The following HS3ST3A1 variants were observed in gnomAD, a reference collection of about 807,000 sequenced individuals.
The protein encoded by HS3ST3A1 is heparan sulfate-glucosamine 3-sulfotransferase 3A1.
In HS3ST3A1, 19 loss-of-function variants were observed where a neutral mutation model predicts 25.7. The observed-to-expected ratio is 0.74, with a 90% CI of 0.52 to 1.08. HS3ST3A1 has a LOEUF of 1.08. Ranked by LOEUF, HS3ST3A1 falls within the 50% of genes least tolerant of loss-of-function variation. The pLI, the probability that HS3ST3A1 is intolerant of heterozygous loss-of-function variation, is 0.00. For synonymous variants in HS3ST3A1, 226 were observed against 278.6 expected (o/e 0.81, Z 1.88); for missense variants, 459 against 594.3 (o/e 0.77, Z 2.37).
Position 13,524,530 on chromosome 17 carries a change from G to A in HS3ST3A1, c.600-27712C>T, listed in dbSNP as rs149310030. Among the ~76,000 whole-genome samples, 697 of 152,222 alleles carry A rather than the reference G, an allele frequency of 4.6e-3. 5 individuals are homozygous for A. The highest frequency in any genetic ancestry group is 0.017 in the Middle Eastern group (5 of 294). On this transcript the variant is annotated intron_variant, in intron 1 of 1. Transcript: ENST00000284110. ...CAAAGTGTTGGGATTACAGGTGTGCGCCATTGAGCCCGGCTTAAGCATATT... is the reference window on the plus strand; with the variant it reads ...CAAAGTGTTGGGATTACAGGTGTGCACCATTGAGCCCGGCTTAAGCATATT...
At chr17:13,595,924 A>C (rs895030182) in intron 1 of HS3ST3A1, among the ~76,000 whole-genome samples, 5 of 152,062 alleles carry the variant, frequency 3.3e-5, no homozygotes, top group African/African-American at 1.2e-4. Flanking sequence ...TCATGAAGTA[A>C]GCATCTGGTC....
At chr17:13,550,874 C>G (rs144656336) in intron 1 of HS3ST3A1, among the ~76,000 whole-genome samples, 1 of 152,208 alleles carries the variant, frequency 6.6e-6, no homozygotes, top group South Asian at 2.1e-4. Context: ...CGAGACCATC[C>G]TGGCTAGCAG....
intron 1 of HS3ST3A1, among the ~76,000 whole-genome samples, chr17:13,572,550 T>TG (rs1295789224): frequency 6.6e-6 from 1 of 152,226 alleles, no homozygotes; most frequent in African/African-American, 2.4e-5. Context: ...TACAGGGATT[T>TG]GATCCTGAGG....
intron 1 of HS3ST3A1, among the ~76,000 whole-genome samples, chr17:13,575,201 C>T (rs1252570996): frequency 1.3e-5 from 2 of 152,196 alleles, no homozygotes; most frequent in African/African-American, 2.4e-5. Context: ...ATTATGTGTA[C>T]TACCCATGCT....
intron 1 of HS3ST3A1, among the ~76,000 whole-genome samples, chr17:13,522,190 T>A (rs530832813): frequency 1.3e-5 from 2 of 152,180 alleles, no homozygotes; most frequent in South Asian, 4.2e-4. Flanking sequence ...TATTCATCTG[T>A]TTGTATGTAT....
rs755103345 is a variant in HS3ST3A1 at position 13,600,864 on chromosome 17, C to T, written c.266G>A (p.Arg89His). The change falls in exon 1 of 2, where the codon CGC becomes CAC. Residue 89 changes from arginine to histidine, a missense_variant. By Grantham distance (29) the Arg-to-His change is conservative. Around this residue, in one of 3 missense-constraint regions of HS3ST3A1, gnomAD observed 346 missense variants for 303.9 expected, o/e 1.14. Coordinates refer to ENST00000284110, the MANE Select transcript of HS3ST3A1 (RefSeq NM_006042.3). ...CCGCCACTGCGGCAGTTGCAGGAGG[C>T]GCTTTCTCTGTGCCGCCGCCGGCCA... ...AVWPAAAQRKRLLQLPQWRRR... is the reference protein window; with the variant it reads ...AVWPAAAQRKHLLQLPQWRRR... 6.9e-7 allele frequency: 1 copy of T among 1,452,596 alleles called. No individual in the cohort carries two copies. Among genetic ancestry groups the T allele is most frequent in the African/African-American group, 1.5e-5 (1 of 66,766 alleles). The allele number at this position is 1,452,596 out of a possible 1,614,324, so 90.0% of individuals were successfully genotyped here.
In HS3ST3A1 at chr17:13,522,010, G is replaced by A. The variant is rs115419244; in HGVS notation, c.600-25192C>T. Among the ~76,000 whole-genome samples, 786 of 152,254 alleles carry A rather than the reference G, an allele frequency of 5.2e-3. 8 individuals are homozygous for A. Among genetic ancestry groups the A allele is most frequent in the African/African-American group, 0.018 (742 of 41,536 alleles). On this transcript the variant is annotated intron_variant, in intron 1 of 1. Transcript: ENST00000284110. ...ATAACAACTGCTAGTGTCTCCAGAC[G>A]TGGCCAAATGTCTCCTGGGGGCAAA... is the stretch of plus-strand genomic sequence containing the variant.
chr17:13,562,938 G>C (rs928871365), intron 1 of HS3ST3A1, among the ~76,000 whole-genome samples: 2 of 152,010 alleles, frequency 1.3e-5, no homozygotes, highest in African/African-American at 4.8e-5. Context: ...TTGTGTGTCA[G>C]GACCCGATAC....
intron 1 of HS3ST3A1, among the ~76,000 whole-genome samples, chr17:13,594,683 G>A (rs960839170): frequency 5.3e-5 from 8 of 151,236 alleles, no homozygotes; most frequent in Admixed American, 4.6e-4. Context: ...TTTATATCTT[G>A]GTTTTCAGTT....
chr17:13,540,293 T>C (rs1906893530), intron 1 of HS3ST3A1, among the ~76,000 whole-genome samples: 1 of 152,200 alleles, frequency 6.6e-6, no homozygotes, highest in Admixed American at 6.5e-5. Flanking sequence ...TCTGAGTTCT[T>C]GCCAAAGGGT....
rs2142332485 is a variant in HS3ST3A1 at position 13,531,645 on chromosome 17, GTTTA to G, written c.600-34831_600-34828del. 1.3e-5 allele frequency among the ~76,000 whole-genome samples: 2 copies of G among 151,204 alleles called. 1 individual carries two copies. The highest frequency in any genetic ancestry group is 3.9e-4 in the East Asian group (2 of 5,110). On this transcript the variant is annotated intron_variant, in intron 1 of 1. Coordinates refer to ENST00000284110, the MANE Select transcript of HS3ST3A1 (RefSeq NM_006042.3). Reference sequence around the variant, plus strand: ...CCTTAAAAAGGAAGGTTAGAGAACTGTTTATTATTTGAAATGTCTCTCTCCAGAC... The same window carrying G: ...CCTTAAAAAGGAAGGTTAGAGAACTGTTATTTGAAATGTCTCTCTCCAGAC...
intron 1 of HS3ST3A1, among the ~76,000 whole-genome samples, chr17:13,536,073 A>G (rs1266435998): frequency 6.6e-6 from 1 of 152,178 alleles, no homozygotes; most frequent in Non-Finnish European, 1.5e-5. Context: ...AAGTCAAGTA[A>G]TATGCTTGGG....
At chr17:13,570,163 A>G (rs1365688753) in intron 1 of HS3ST3A1, among the ~76,000 whole-genome samples, 2 of 152,248 alleles carry the variant, frequency 1.3e-5, no homozygotes, top group Non-Finnish European at 2.9e-5. Context: ...GCTGTTACTC[A>G]GAGATGCAAA....
intron 1 of HS3ST3A1, among the ~76,000 whole-genome samples, chr17:13,500,064 A>G (rs1167285788): frequency 2.6e-5 from 4 of 151,962 alleles, no homozygotes; most frequent in Admixed American, 2.6e-4. Context: ...GGGATATAAA[A>G]TTTTTTTTCA....
intron 1 of HS3ST3A1, 42 bp from the exon 2 acceptor site, chr17:13,496,860 G>A (rs749788245): frequency 1.3e-6 from 2 of 1,589,998 alleles, no homozygotes; most frequent in South Asian, 1.2e-5. Flanking sequence ...TGCAGAGAGA[G>A]CTCAGTCCCA....
chr17:13,561,778 C>A (rs1319793530), intron 1 of HS3ST3A1, among the ~76,000 whole-genome samples: 1 of 152,068 alleles, frequency 6.6e-6, no homozygotes, highest in Non-Finnish European at 1.5e-5. Context: ...AGGAGATGGA[C>A]GCCACACCCA....
At chr17:13,576,274 C>T (rs11869035) in intron 1 of HS3ST3A1, among the ~76,000 whole-genome samples, 1 of 152,094 alleles carries the variant, frequency 6.6e-6, no homozygotes, top group Non-Finnish European at 1.5e-5. Flanking sequence ...GTATCTCTTG[C>T]GATCACAGTC....
At chr17:13,567,034 G>A (rs537733692) in intron 1 of HS3ST3A1, among the ~76,000 whole-genome samples, 1 of 152,240 alleles carries the variant, frequency 6.6e-6, no homozygotes, top group African/African-American at 2.4e-5. Flanking sequence ...CATAGCTACA[G>A]AGAAGTTAAT....
chr17:13,496,921 C>A, intron 1 of HS3ST3A1, 103 bp from the exon 2 acceptor site: 2 of 1,474,634 alleles, frequency 1.4e-6, no homozygotes, highest in South Asian at 2.7e-5. Context: ...CCAGCCCCCG[C>A]AACCCCCCAC....
Sources: allele counts gnomAD v4.1 joint callset (sites outside exome capture counted in the v4.1 genomes callset), GRCh38; gene constraint gnomAD v4.1.1; regional missense constraint gnomAD v4.1.1; transcripts MANE v1.5; gene names NCBI Gene and HGNC (gene_info 2026-07-23, HGNC 2026-07-21).